Variants in ZNF160 observed in about 807,000 individuals in gnomAD.
ZNF160 encodes the protein KRAB zinc finger protein KR18.
A neutral mutation model predicts 13.1 loss-of-function variants in ZNF160; 9 were observed. The observed-to-expected ratio is 0.69, with a 90% CI of 0.41 to 1.20. ZNF160 has a LOEUF of 1.20. ZNF160 is among the 50% of genes most tolerant of loss of function. The pLI, the probability that ZNF160 is intolerant of heterozygous loss-of-function variation, is 0.01. For synonymous variants in ZNF160, 293 were observed against 333.2 expected, an observed-to-expected ratio of 0.88 and a Z score of 1.31; for missense variants, 838 against 988.0, an observed-to-expected ratio of 0.85 and a Z score of 2.04.
intron 1 of ZNF160, among the ~76,000 whole-genome samples, chr19:53,097,483 C>G (rs1022639859): frequency 1.3e-5 from 2 of 151,628 alleles, no homozygotes; most frequent in African/African-American, 4.9e-5. Flanking sequence ...TCATAAAGAT[C>G]CAGAAGCCCT....
intron 3 of ZNF160, among the ~76,000 whole-genome samples, chr19:53,078,055 C>G (rs566011974): frequency 6.6e-6 from 1 of 152,156 alleles, no homozygotes; most frequent in Non-Finnish European, 1.5e-5. Context: ...GCCTGGCCAA[C>G]ATGATGAAAC....
intron 1 of ZNF160, among the ~76,000 whole-genome samples, chr19:53,100,590 A>G (rs1179502363): frequency 6.6e-6 from 1 of 151,054 alleles, no homozygotes; most frequent in Non-Finnish European, 1.5e-5. Flanking sequence ...AGCCTGGGCG[A>G]CAGAGCGAGA....
At chr19:53,080,536 T>C (rs2084591319) in intron 3 of ZNF160, among the ~76,000 whole-genome samples, 1 of 150,800 alleles carries the variant, frequency 6.6e-6, no homozygotes, top group South Asian at 2.1e-4. Flanking sequence ...ACTATCTCTA[T>C]GAGGAGAACT....
At chr19:53,084,386 T>G (rs984786922) in intron 3 of ZNF160, among the ~76,000 whole-genome samples, 1 of 152,136 alleles carries the variant, frequency 6.6e-6, no homozygotes, top group Non-Finnish European at 1.5e-5. Flanking sequence ...TAAGCTAGCT[T>G]TGGAATAAAA....
At chr19:53,072,953 A>T (rs329735) in intron 5 of ZNF160, 582,048 of 751,196 alleles carry the variant, frequency 0.77, 226,417 homozygotes, top group African/African-American at 0.9. Context: ...TATGATTTTT[A>T]AAAAAATTCT....
intron 1 of ZNF160, among the ~76,000 whole-genome samples, chr19:53,102,113 CTTCT>C (rs897458187): frequency 1.3e-5 from 2 of 152,062 alleles, no homozygotes; most frequent in African/African-American, 4.8e-5. Flanking sequence ...CTGTTTCTCC[CTTCT>C]TTGTTTTTTC....
At chr19:53,101,903 C>T (rs2085459680) in intron 1 of ZNF160, among the ~76,000 whole-genome samples, 1 of 149,324 alleles carries the variant, frequency 6.7e-6, no homozygotes, top group South Asian at 2.1e-4. Context: ...AAATGTAACA[C>T]ATTATAAATA....
intron 3 of ZNF160, among the ~76,000 whole-genome samples, chr19:53,084,133 C>T (rs1221025552): frequency 1.3e-5 from 2 of 152,136 alleles, no homozygotes; most frequent in Non-Finnish European, 2.9e-5. Flanking sequence ...AGTCCTGCTA[C>T]AAAACTCTCT....
At chr19:53,075,292 G>T in intron 3 of ZNF160, 109 bp from the exon 4 acceptor site, 2 of 1,400,826 alleles carry the variant, frequency 1.4e-6, no homozygotes, top group Non-Finnish European at 2.0e-6. Context: ...AAGTGGGTGA[G>T]CTGACAGATC....
chr19:53,087,893 G>A (rs544281015), intron 2 of ZNF160, among the ~76,000 whole-genome samples: 1 of 152,286 alleles, frequency 6.6e-6, no homozygotes, highest in Non-Finnish European at 1.5e-5. Context: ...GATGCCTGTT[G>A]GGACATCCCT....
At chr19:53,096,212 C>T (rs893431316) in intron 1 of ZNF160, among the ~76,000 whole-genome samples, 1 of 152,184 alleles carries the variant, frequency 6.6e-6, no homozygotes, top group Non-Finnish European at 1.5e-5. Context: ...GAACGAGACT[C>T]CGTCTCAAAA....
At chr19:53,070,340 CA>C (rs1312910597) in intron 5 of ZNF160, 78 bp from the exon 6 acceptor site, 1 of 1,340,388 alleles carries the variant, frequency 7.5e-7, no homozygotes, top group African/African-American at 1.5e-5. Context: ...AAACATATTC[CA>C]CCAAAAGTAA....
chr19:53,074,360 A>T (rs2145560803), intron 4 of ZNF160, 92 bp from the exon 5 acceptor site: 1 of 1,526,114 alleles, frequency 6.6e-7, no homozygotes, highest in East Asian at 2.3e-5. Context: ...TGTGGATCTA[A>T]GAAAACTTCA....
rs2085043449 is a variant in ZNF160 at position 53,091,693 on chromosome 19, G to C, written c.-326C>G. ...AGCCGGGATCTCTCTAGGTCGTCAG[G>C]GGGCAGTGTTCGGATCCAGGAACGT... is the stretch of plus-strand genomic sequence containing the variant. On this transcript the variant is annotated 5_prime_UTR_variant, in exon 2 of 6. Coordinates refer to ENST00000683776, the MANE Select transcript of ZNF160 (RefSeq NM_001322131.2). 1 of 152,254 alleles carries C rather than the reference G, an allele frequency of 6.6e-6. No individual in the cohort carries two copies. The highest frequency in any genetic ancestry group is 1.5e-5 in the Non-Finnish European group (1 of 68,058). 9.4% of individuals were successfully genotyped at this position (152,254 alleles called of 1,614,324 possible).
At chr19:53,103,105 A>G (rs1231274775) in intron 1 of ZNF160, among the ~76,000 whole-genome samples, 160 bp downstream of exon 1, 2 of 151,940 alleles carry the variant, frequency 1.3e-5, no homozygotes, top group Admixed American at 6.6e-5. Flanking sequence ...GGAGTCAGTA[A>G]AGGATTTTAA....
chr19:53,087,419 T>C (rs938478520), intron 2 of ZNF160, among the ~76,000 whole-genome samples: 2 of 152,204 alleles, frequency 1.3e-5, no homozygotes, highest in African/African-American at 4.8e-5. Flanking sequence ...CAACATAGTA[T>C]CTTGCATATT....
chr19:53,071,000 A>C (rs1484483970), intron 5 of ZNF160, among the ~76,000 whole-genome samples: 1 of 151,904 alleles, frequency 6.6e-6, no homozygotes, highest in Non-Finnish European at 1.5e-5. Flanking sequence ...GATTGAGTCC[A>C]GCTTGGCCAA....
chr19:53,089,039 T>C (rs2084943774), intron 2 of ZNF160, among the ~76,000 whole-genome samples: 1 of 152,202 alleles, frequency 6.6e-6, no homozygotes, highest in Admixed American at 6.5e-5. Flanking sequence ...TACTTTATAA[T>C]AAATGAGTAA....
intron 5 of ZNF160, among the ~76,000 whole-genome samples, chr19:53,071,033 T>C (rs2084153446): frequency 6.6e-6 from 1 of 151,682 alleles, no homozygotes; most frequent in African/African-American, 2.4e-5. Context: ...CCATCTCTAC[T>C]AAAAATACAA....
Sources: gnomAD v4.1 joint callset for allele counts (sites outside exome capture counted in the v4.1 genomes callset) on GRCh38, gnomAD v4.1.1 for gene constraint, MANE v1.5 for transcripts, NCBI Gene and HGNC (gene_info 2026-07-23, HGNC 2026-07-21) for gene names.